Variants in FANCA observed in about 807,000 individuals in gnomAD.
FANCA encodes the protein Fanconi anemia group A protein.
Under a neutral mutation model 194.3 loss-of-function variants are expected in FANCA, and 236 were observed. That is an observed-to-expected ratio of 1.21 (90% CI 1.09 to 1.35). FANCA has a LOEUF of 1.35. Ranked by LOEUF, FANCA falls within the 40% of genes most tolerant of loss-of-function variation. The pLI is 0.00. For missense variants in FANCA, 2,628 were observed against 1,813.9 expected, an observed-to-expected ratio of 1.45 and a Z score of -8.15; for synonymous variants, 1,014 against 715.8, an observed-to-expected ratio of 1.42 and a Z score of -6.65.
chr16:89,806,955 C>T (rs1395154995), intron 6 of FANCA, among the ~76,000 whole-genome samples: 1 of 152,132 alleles, frequency 6.6e-6, no homozygotes, highest in Non-Finnish European at 1.5e-5. Context: ...ACCTCCTGGA[C>T]AGGGCGGCTG....
At chr16:89,771,448 G>C (rs1389420985) in intron 23 of FANCA, among the ~76,000 whole-genome samples, 1 of 152,130 alleles carries the variant, frequency 6.6e-6, no homozygotes, top group Non-Finnish European at 1.5e-5. Context: ...AACAAAGCAA[G>C]ACCCTGTCTC....
chr16:89,778,883 A>C, intron 19 of FANCA, 33 bp from the exon 20 acceptor site: 2 of 1,613,826 alleles, frequency 1.2e-6, no homozygotes, highest in Non-Finnish European at 8.5e-7. Flanking sequence ...TGAGAGACTG[A>C]CAAGGAAAGT....
At chr16:89,773,225 C>T (rs1205424104) in intron 22 of FANCA, 46 bp downstream of exon 22, 1 of 1,445,034 alleles carries the variant, frequency 6.9e-7, no homozygotes, top group Non-Finnish European at 9.5e-7. Context: ...GCTCCAACCA[C>T]AGGCTGCACA....
intron 33 of FANCA, among the ~76,000 whole-genome samples, chr16:89,747,278 T>G (rs998932956): frequency 2.0e-5 from 3 of 152,256 alleles, no homozygotes; most frequent in Non-Finnish European, 4.4e-5. Context: ...TATGGTGTTT[T>G]CCTGTCTGTC....
intron 14 of FANCA, among the ~76,000 whole-genome samples, chr16:89,786,276 C>G (rs2039895926): frequency 6.6e-6 from 1 of 152,150 alleles, no homozygotes; most frequent in Non-Finnish European, 1.5e-5. Flanking sequence ...CTCCGCCTCC[C>G]AGGTTCAAAC....
rs1391630461 is a variant in FANCA, at chr16:89,782,922, C to T, written c.1567-4G>A. The T allele has an allele frequency of 2.5e-6, 4 of 1,613,858 alleles. No homozygotes were observed. The African/African-American group carries it at 5.3e-5, about 22-fold the overall frequency. On this transcript the variant is annotated splice_region_variant and splice_polypyrimidine_tract_variant and intron_variant, in intron 16 of 42. Coordinates refer to ENST00000389301, the MANE Select transcript of FANCA (RefSeq NM_000135.4). ...GTCCCATGTTTTCTATAGAAACCTT[C>T]AGGGAAGACACAGAATGAGAACAAG...
intron 11 of FANCA, 156 bp from the exon 12 acceptor site, chr16:89,792,703 A>C: frequency 1.5e-6 from 1 of 653,822 alleles, no homozygotes; most frequent in Non-Finnish European, 2.8e-6. Flanking sequence ...ATAAAAGACA[A>C]GACAGCTGGG....
chr16:89,799,692 A>G (rs2040375248), intron 8 of FANCA, 54 bp from the exon 9 acceptor site: 4 of 1,396,720 alleles, frequency 2.9e-6, no homozygotes, highest in Non-Finnish European at 4.1e-6. Flanking sequence ...AATTTGTGTG[A>G]TACCTGCATC....
rs17232735 is a variant in FANCA, at chr16:89,782,696, A to G, written c.1626+163T>C. Reference sequence around the variant, plus strand: ...GCTGGGGACACACAAGGTGGGACACAGCAACACAGAGGCCCGCAGAGCCTC... The same window carrying G: ...GCTGGGGACACACAAGGTGGGACACGGCAACACAGAGGCCCGCAGAGCCTC... On this transcript the variant is annotated intron_variant, in intron 17 of 42. Coordinates refer to ENST00000389301, the MANE Select transcript of FANCA (RefSeq NM_000135.4). Among the ~76,000 whole-genome samples, 14,572 of 152,134 alleles carry G rather than the reference A, an allele frequency of 0.096. 839 individuals are homozygous for G. The highest frequency in any genetic ancestry group is 0.23 in the East Asian group (1,180 of 5,168).
intron 8 of FANCA, among the ~76,000 whole-genome samples, chr16:89,800,208 G>A (rs1476419189): frequency 1.3e-5 from 2 of 152,222 alleles, no homozygotes; most frequent in Non-Finnish European, 2.9e-5. Context: ...GTACTTCAGT[G>A]AAGAGAGGAA....
chr16:89,759,014 T>C (rs1457562720), intron 29 of FANCA, among the ~76,000 whole-genome samples: 1 of 151,940 alleles, frequency 6.6e-6, no homozygotes, highest in Non-Finnish European at 1.5e-5. Context: ...GTGAACAGAA[T>C]AGGCAAGCAC....
Position 89,745,599 on chromosome 16 carries a change from C to T in FANCA, c.3514-528G>A, listed in dbSNP as rs569315229. ...GGAACAAAACAGTGAAGGGACCACA[C>T]TGCCCTGAGCTGGGAACGAAACAGT... On this transcript the variant is annotated intron_variant, in intron 35 of 42. Coordinates refer to ENST00000389301, the MANE Select transcript of FANCA (RefSeq NM_000135.4). Among the ~76,000 whole-genome samples, 7 of 80,170 alleles carry T rather than the reference C, an allele frequency of 8.7e-5. 1 individual carries two copies. The highest frequency in any genetic ancestry group is 1.4e-4 in the Non-Finnish European group (7 of 48,860). The allele number at this position is 80,170 out of a possible 152,430, so 52.6% of individuals were successfully genotyped here.
intron 40 of FANCA, 38 bp downstream of exon 40, chr16:89,739,438 AAC>A: frequency 6.4e-7 from 1 of 1,553,696 alleles, no homozygotes; most frequent in East Asian, 2.4e-5. Context: ...GGGTCTGGGA[AAC>A]ACTGCCCAGC....
chr16:89,816,394 C>T, intron 1 of FANCA, 143 bp downstream of exon 1: 2 of 616,366 alleles, frequency 3.2e-6, no homozygotes, highest in South Asian at 5.4e-5. Context: ...CCGCCCCAGC[C>T]GGGCGCCCAC....
chr16:89,809,235 G>A (rs899547066), intron 5 of FANCA, among the ~76,000 whole-genome samples: 2 of 152,016 alleles, frequency 1.3e-5, no homozygotes, highest in African/African-American at 4.8e-5. Context: ...AGTCCGTGCA[G>A]GAAGGCTTTC....
At chr16:89,815,414 A>G (rs117449907) in intron 2 of FANCA, among the ~76,000 whole-genome samples, 7,445 of 124,808 alleles carry the variant, frequency 0.06, 258 homozygotes, top group Non-Finnish European at 0.087. Context: ...AAGGGGCGTG[A>G]TCTCGGCTCA....
chr16:89,769,432 A>G (rs772356375), intron 26 of FANCA, among the ~76,000 whole-genome samples: 1 of 152,126 alleles, frequency 6.6e-6, no homozygotes, highest in Non-Finnish European at 1.5e-5. Context: ...AGCCCTAGAG[A>G]AACAGCCCGA....
At chr16:89,752,491 C>G (rs1228431704) in intron 30 of FANCA, among the ~76,000 whole-genome samples, 1 of 152,206 alleles carries the variant, frequency 6.6e-6, no homozygotes, top group Non-Finnish European at 1.5e-5. Context: ...AGGCAAGAGA[C>G]AGAGGACACG....
chr16:89,798,125 G>A (rs2040310927), intron 10 of FANCA, among the ~76,000 whole-genome samples: 1 of 152,092 alleles, frequency 6.6e-6, no homozygotes, highest in East Asian at 1.9e-4. Context: ...TGAGATGACT[G>A]CCCGGAGAAG....
Sources: allele counts gnomAD v4.1 joint callset (sites outside exome capture counted in the v4.1 genomes callset), GRCh38; gene constraint gnomAD v4.1.1; transcripts MANE v1.5; gene names NCBI Gene and HGNC (gene_info 2026-07-23, HGNC 2026-07-21).